Variants in COG5 observed in about 807,000 individuals in gnomAD.
COG5 encodes conserved oligomeric Golgi complex subunit 5.
COG5 carries 86 observed loss-of-function variants against 110.4 expected under a neutral mutation model. The ratio of observed to expected loss-of-function variants is 0.78; its 90% CI spans 0.65 to 0.93. The LOEUF (loss-of-function observed/expected upper bound fraction) is 0.93. Among genes scored for constraint, COG5 ranks in the 40% least tolerant of loss-of-function variants. The pLI is 0.00. For missense variants in COG5, 1,077 were observed against 987.0 expected (o/e 1.09, Z -1.22); for synonymous variants, 360 against 334.6 (o/e 1.08, Z -0.83).
At chr7:107,394,169 T>G (rs1790821245) in intron 7 of COG5, among the ~76,000 whole-genome samples, 1 of 151,980 alleles carries the variant, frequency 6.6e-6, no homozygotes, top group Non-Finnish European at 1.5e-5. Flanking sequence ...TTCACTGTGT[T>G]AGCCAGCATG....
intron 5 of COG5, among the ~76,000 whole-genome samples, chr7:107,530,035 T>C (rs1366608096): frequency 1.3e-5 from 2 of 152,210 alleles, no homozygotes; most frequent in East Asian, 3.8e-4. Flanking sequence ...AAGACTGTCA[T>C]CCAGAATTCC....
At chr7:107,537,646 T>G (rs1332603506) in intron 5 of COG5, among the ~76,000 whole-genome samples, 1 of 151,730 alleles carries the variant, frequency 6.6e-6, no homozygotes, top group Non-Finnish European at 1.5e-5. Context: ...AGATAATGGG[T>G]TGATGGGTGC....
chr7:107,349,688 G>T (rs983393515), intron 10 of COG5, among the ~76,000 whole-genome samples: 1 of 152,132 alleles, frequency 6.6e-6, no homozygotes, highest in South Asian at 2.1e-4. Context: ...CTCCCAAGTA[G>T]CTGGTACTAC....
chr7:107,455,338 C>T (rs1795595353), intron 6 of COG5, among the ~76,000 whole-genome samples: 1 of 151,930 alleles, frequency 6.6e-6, no homozygotes, highest in Non-Finnish European at 1.5e-5. Context: ...GAAAGATAGA[C>T]AAATAATTGA....
chr7:107,528,127 A>G (rs749831614), intron 5 of COG5, among the ~76,000 whole-genome samples: 1 of 150,584 alleles, frequency 6.6e-6, no homozygotes, highest in African/African-American at 2.4e-5. Flanking sequence ...GGTCTCGCTC[A>G]GTTGCCCAAA....
intron 17 of COG5, among the ~76,000 whole-genome samples, chr7:107,241,248 A>T: frequency 6.6e-6 from 1 of 152,062 alleles, no homozygotes; most frequent in Non-Finnish European, 1.5e-5. Context: ...TTCATGATTG[A>T]TCTAACTGGG....
chr7:107,362,150 G>C (rs1813174668), intron 9 of COG5, 40 bp from the exon 10 acceptor site: 2 of 1,507,412 alleles, frequency 1.3e-6, no homozygotes, highest in East Asian at 4.6e-5. Flanking sequence ...AATAGAAAAA[G>C]CAAGAAAAGG....
At chr7:107,562,479 T>C (rs1465088269) in intron 1 of COG5, among the ~76,000 whole-genome samples, 1 of 152,210 alleles carries the variant, frequency 6.6e-6, no homozygotes, top group Admixed American at 6.5e-5. Context: ...TATGCAATCC[T>C]ACTGCTATCT....
intron 11 of COG5, among the ~76,000 whole-genome samples, chr7:107,304,670 T>G (rs1334649332): frequency 6.6e-6 from 1 of 152,182 alleles, no homozygotes; most frequent in Non-Finnish European, 1.5e-5. Flanking sequence ...TGACTAGCTG[T>G]GCCTAAACCT....
chr7:107,410,634 G>A (rs1792213488), intron 7 of COG5, among the ~76,000 whole-genome samples: 1 of 151,992 alleles, frequency 6.6e-6, no homozygotes, highest in African/African-American at 2.4e-5. Flanking sequence ...TAGAGAAGGG[G>A]TTTCTCCATG....
At chr7:107,558,934 A>AAAAAT (rs1803556144) in intron 1 of COG5, among the ~76,000 whole-genome samples, 1 of 75,206 alleles carries the variant, frequency 1.3e-5, no homozygotes, top group Non-Finnish European at 2.9e-5. Context: ...AAAAAAAAAA[A>AAAAAT]ACCATAACTA....
intron 6 of COG5, among the ~76,000 whole-genome samples, chr7:107,522,806 A>T (rs185457743): frequency 6.6e-6 from 1 of 152,244 alleles, no homozygotes; most frequent in East Asian, 1.9e-4. Flanking sequence ...TGTTGAAAAG[A>T]CTATTTTTTT....
intron 1 of COG5, among the ~76,000 whole-genome samples, chr7:107,562,283 G>A (rs1013417471): frequency 6.6e-6 from 1 of 152,160 alleles, no homozygotes; most frequent in Non-Finnish European, 1.5e-5. Flanking sequence ...AGTATTTACC[G>A]TCCAAGAACT....
intron 10 of COG5, among the ~76,000 whole-genome samples, chr7:107,354,267 A>T (rs1812432384): frequency 6.6e-6 from 1 of 152,212 alleles, no homozygotes. Flanking sequence ...TTAATGTACA[A>T]GCATATCATG....
At chr7:107,525,731 A>C (rs1176771952) in intron 6 of COG5, among the ~76,000 whole-genome samples, 1 of 151,806 alleles carries the variant, frequency 6.6e-6, no homozygotes, top group Non-Finnish European at 1.5e-5. Flanking sequence ...ATTTTGTTTT[A>C]ATTTCCTTTA....
intron 6 of COG5, among the ~76,000 whole-genome samples, chr7:107,451,403 T>G (rs1795331300): frequency 6.6e-6 from 1 of 152,172 alleles, no homozygotes; most frequent in African/African-American, 2.4e-5. Flanking sequence ...ACTTTTGACT[T>G]CTTTTATAAC....
chr7:107,260,183 T>C (rs1179090705), intron 14 of COG5, among the ~76,000 whole-genome samples: 4 of 151,684 alleles, frequency 2.6e-5, no homozygotes, highest in Non-Finnish European at 4.4e-5. Flanking sequence ...ACAATGCAAA[T>C]GTCAACCAAC....
At chr7:107,516,726 T>C (rs1266887524) in intron 6 of COG5, among the ~76,000 whole-genome samples, 1 of 152,162 alleles carries the variant, frequency 6.6e-6, no homozygotes, top group African/African-American at 2.4e-5. Flanking sequence ...GAACAGGGTC[T>C]GCAGTGGACC....
intron 19 of COG5, among the ~76,000 whole-genome samples, chr7:107,219,613 T>C (rs1799762458): frequency 6.6e-6 from 1 of 152,150 alleles, no homozygotes; most frequent in African/African-American, 2.4e-5. Flanking sequence ...GTCTCACTTA[T>C]TTGTGGGATC....
Sources: allele counts gnomAD v4.1 joint callset (sites outside exome capture counted in the v4.1 genomes callset), GRCh38; gene constraint gnomAD v4.1.1; transcripts MANE v1.5; gene names NCBI Gene and HGNC (gene_info 2026-07-23, HGNC 2026-07-21).